Variants in SNTG2 observed in about 807,000 individuals in gnomAD.
SNTG2 encodes the protein gamma-2-syntrophin.
Under a neutral mutation model 70.9 loss-of-function variants are expected in SNTG2, and 74 were observed. That is an observed-to-expected ratio of 1.04 (90% CI 0.86 to 1.27). SNTG2 has a LOEUF of 1.27. Ranked by LOEUF, SNTG2 falls within the 50% of genes most tolerant of loss-of-function variation. The probability of loss-of-function intolerance (pLI) is 0.00; values close to 1 mark genes in which losing one functional copy is unlikely to be tolerated. For missense variants in SNTG2, 717 were observed against 690.7 expected (o/e 1.04, Z -0.43); for synonymous variants, 278 against 273.8 (o/e 1.02, Z -0.15).
intron 4 of SNTG2, among the ~76,000 whole-genome samples, chr2:1,113,503 A>C (rs1666668531): frequency 6.6e-6 from 1 of 151,152 alleles, no homozygotes; most frequent in African/African-American, 2.4e-5. Context: ...TTTAACCCTT[A>C]CAGTCCTTTG....
intron 14 of SNTG2, among the ~76,000 whole-genome samples, chr2:1,285,886 C>G (rs549703636): frequency 6.6e-6 from 1 of 152,156 alleles, no homozygotes; most frequent in African/African-American, 2.4e-5. Context: ...TCCCATTGAC[C>G]TTAATCATAG....
intron 6 of SNTG2, among the ~76,000 whole-genome samples, chr2:1,156,676 A>G (rs1288387746): frequency 6.6e-6 from 1 of 152,150 alleles, no homozygotes; most frequent in Admixed American, 6.5e-5. Context: ...TGAGGGCAGA[A>G]GGACGAGGGA....
In SNTG2 at chr2:1,308,581, A is replaced by G; in HGVS notation, c.1372A>G (p.Thr458Ala). ...GGGATTTACCTGTTTTGAGAGTAAG[A>G]CCAAGGTAAGAGGCCAAGCAGGCAT... ...ALGFTCFESK[T>A]KNVLWRFKFS... Residue 458 changes from threonine to alanine, a missense_variant, in exon 15 of 17, where the codon ACC becomes GCC. Physicochemically the swap from Thr to Ala is moderately conservative, Grantham distance 58 (BLOSUM62 0). Transcript: ENST00000308624. 2 of 1,551,570 alleles carry G rather than the reference A, an allele frequency of 1.3e-6. No individual in the cohort carries two copies. The highest frequency in any genetic ancestry group is 2.4e-5 in the East Asian group (1 of 40,918).
chr2:1,359,796 C>T (rs1310729194), intron 16 of SNTG2, among the ~76,000 whole-genome samples: 1 of 152,176 alleles, frequency 6.6e-6, no homozygotes, highest in Non-Finnish European at 1.5e-5. Context: ...AACCCACTGC[C>T]ATTTTTGGTT....
chr2:983,131 T>C (rs1264052459), intron 1 of SNTG2, among the ~76,000 whole-genome samples: 1 of 147,762 alleles, frequency 6.8e-6, no homozygotes, highest in East Asian at 2.0e-4. Context: ...GAAGTGGTGG[T>C]CAGGATGAAG....
intron 1 of SNTG2, among the ~76,000 whole-genome samples, chr2:1,051,442 T>C (rs1180246863): frequency 2.0e-5 from 3 of 152,202 alleles, no homozygotes; most frequent in African/African-American, 4.8e-5. Context: ...TTGAGATTAA[T>C]CAATGATCAT....
intron 1 of SNTG2, among the ~76,000 whole-genome samples, chr2:1,026,477 A>G (rs1360683918): frequency 6.6e-6 from 1 of 152,220 alleles, no homozygotes; most frequent in African/African-American, 2.4e-5. Flanking sequence ...ATAAGATGTC[A>G]TTTGCCAACA....
chr2:1,236,262 C>T (rs554986257), intron 9 of SNTG2, among the ~76,000 whole-genome samples: 3 of 152,318 alleles, frequency 2.0e-5, no homozygotes, highest in South Asian at 4.1e-4. Flanking sequence ...TGGAATATTA[C>T]ACAATCTGCC....
chr2:1,106,110 C>G (rs28564205), intron 4 of SNTG2, among the ~76,000 whole-genome samples: 9,974 of 73,330 alleles, frequency 0.14, 26 homozygotes, highest in East Asian at 0.26. Context: ...ATGGAGAGCT[C>G]CTTGGTAATA....
chr2:1,137,456 A>G (rs1427085388), intron 4 of SNTG2, among the ~76,000 whole-genome samples, 166 bp from the exon 5 acceptor site: 1 of 150,840 alleles, frequency 6.6e-6, no homozygotes, highest in Non-Finnish European at 1.5e-5. Context: ...ATTCACACCC[A>G]TCTGCACCTG....
chr2:1,181,268 G>A (rs1671875789), intron 8 of SNTG2, among the ~76,000 whole-genome samples: 1 of 152,112 alleles, frequency 6.6e-6, no homozygotes, highest in South Asian at 2.1e-4. Context: ...TCAAGAGTGT[G>A]TTTTATGGTA....
At chr2:1,046,772 T>C (rs1661760713) in intron 1 of SNTG2, among the ~76,000 whole-genome samples, 1 of 152,124 alleles carries the variant, frequency 6.6e-6, no homozygotes, top group South Asian at 2.1e-4. Flanking sequence ...TCCTCTTCTC[T>C]CTCTCTGTCT....
At chr2:1,081,210 T>C (rs1318393941) in intron 1 of SNTG2, among the ~76,000 whole-genome samples, 1 of 152,214 alleles carries the variant, frequency 6.6e-6, no homozygotes, top group Non-Finnish European at 1.5e-5. Context: ...GGAGCTGGCC[T>C]TGCCTCCCTC....
chr2:1,018,404 A>G (rs1007926708), intron 1 of SNTG2, among the ~76,000 whole-genome samples: 2 of 152,024 alleles, frequency 1.3e-5, no homozygotes, highest in Non-Finnish European at 2.9e-5. Context: ...TTTGGTGCCC[A>G]CTCCTGAGAC....
chr2:1,154,298 G>T (rs1267909201), intron 6 of SNTG2, among the ~76,000 whole-genome samples: 2 of 152,190 alleles, frequency 1.3e-5, no homozygotes. Context: ...CGTGGAGATG[G>T]CATCTTCCCG....
chr2:1,355,064 G>A (rs944892208), intron 16 of SNTG2, among the ~76,000 whole-genome samples: 3 of 152,194 alleles, frequency 2.0e-5, no homozygotes, highest in Non-Finnish European at 2.9e-5. Flanking sequence ...AACATGAGCA[G>A]GGCCCTGGCC....
At chr2:956,202 A>ACGGCCC (rs1660146178) in intron 1 of SNTG2, among the ~76,000 whole-genome samples, 1 of 17,508 alleles carries the variant, frequency 5.7e-5, no homozygotes, top group Admixed American at 7.4e-4. Context: ...CTGCCCTGCC[A>ACGGCCC]CTGCCCCTGC....
chr2:1,177,046 C>T (rs1671526637), intron 8 of SNTG2, among the ~76,000 whole-genome samples: 1 of 152,104 alleles, frequency 6.6e-6, no homozygotes, highest in South Asian at 2.1e-4. Context: ...TTAATTGCAG[C>T]ACTATTCACA....
chr2:1,100,219 T>G (rs989609747), intron 4 of SNTG2, among the ~76,000 whole-genome samples: 1 of 151,422 alleles, frequency 6.6e-6, no homozygotes, highest in African/African-American at 2.4e-5. Flanking sequence ...CAGGCTGGAG[T>G]GCAGAGGCGC....
Sources: gnomAD v4.1 joint callset for allele counts (sites outside exome capture counted in the v4.1 genomes callset) on GRCh38, gnomAD v4.1.1 for gene constraint, MANE v1.5 for transcripts, NCBI Gene and HGNC (gene_info 2026-07-23, HGNC 2026-07-21) for gene names.